The following GRIK2 variants were observed in gnomAD, a reference collection of about 807,000 sequenced individuals.
GRIK2 encodes the protein glutamate ionotropic receptor kainate type subunit 2, also known as glutamate receptor ionotropic, kainate 2.
A neutral mutation model predicts 100.3 loss-of-function variants in GRIK2; 32 were observed. The observed-to-expected ratio is 0.32, with a 90% CI of 0.24 to 0.43. The LOEUF is 0.43. Among genes scored for constraint, GRIK2 ranks in the 20% least tolerant of loss-of-function variants. The probability of loss-of-function intolerance (pLI) is 1.00; values close to 1 mark genes in which losing one functional copy is unlikely to be tolerated. For missense variants in GRIK2, 843 were observed against 1,114.9 expected (o/e 0.76, Z 3.47); for synonymous variants, 417 against 389.4 (o/e 1.07, Z -0.83).
At chr6:101,771,601 T>C (rs1778409927) in intron 7 of GRIK2, among the ~76,000 whole-genome samples, 1 of 151,944 alleles carries the variant, frequency 6.6e-6, no homozygotes, top group Admixed American at 6.6e-5. Flanking sequence ...GTTACATATG[T>C]ATACATGTGC....
chr6:101,688,872 A>C (rs553491523), intron 7 of GRIK2, among the ~76,000 whole-genome samples: 1 of 152,104 alleles, frequency 6.6e-6, no homozygotes, highest in Non-Finnish European at 1.5e-5. Context: ...TTGGAAAATT[A>C]ATATATTTTA....
chr6:101,900,751 C>A (rs921063220), intron 12 of GRIK2, among the ~76,000 whole-genome samples: 7 of 151,928 alleles, frequency 4.6e-5, no homozygotes, highest in Non-Finnish European at 1.0e-4. Flanking sequence ...GAAAACTTTA[C>A]GTGCCTTATA....
At position 101,965,413 on chromosome 6, in the gene GRIK2, A is replaced by C. The variant is rs12202065; in HGVS notation, c.2085+36781A>C. Among the ~76,000 whole-genome samples, 1,037 of 152,172 alleles carry C rather than the reference A, an allele frequency of 6.8e-3. 5 individuals are homozygous for C. Among genetic ancestry groups the C allele is most frequent in the Middle Eastern group, 0.041 (12 of 294 alleles). On this transcript the variant is annotated intron_variant, in intron 14 of 16. Coordinates refer to ENST00000369134, the MANE Select transcript of GRIK2 (RefSeq NM_021956.5). ...GATATCCAAATCTGTCACTCTCATC[A>C]TGCCATTTCTATAACAAGTCAGAGA... is the stretch of plus-strand genomic sequence containing the variant.
chr6:102,035,563 A>G lies in GRIK2; in HGVS notation c.2308A>G (p.Met770Val). The change falls in exon 15 of 17, where the codon ATG becomes GTG. Residue 770 changes from methionine to valine, a missense_variant. Physicochemically the swap from Met to Val is conservative, Grantham distance 21. This residue lies in a region of GRIK2 where 237 missense variants were observed against 388.0 expected (regional missense o/e 0.61). Coordinates refer to ENST00000369134, the MANE Select transcript of GRIK2 (RefSeq NM_021956.5). ...TAAAGGTTATGGCGTTGGCACTCCC[A>G]TGGGTAGGTTATATGTCAGCTCTTT... ...DSKGYGVGTP[M>V]GSPYRDKITI... 3 of 1,554,690 alleles carry G rather than the reference A, an allele frequency of 1.9e-6. No individual in the cohort carries two copies. Among genetic ancestry groups the G allele is most frequent in the Non-Finnish European group, 2.7e-6 (3 of 1,127,430 alleles).
intron 4 of GRIK2, among the ~76,000 whole-genome samples, chr6:101,658,515 C>CGT (rs1203282277): frequency 6.6e-6 from 1 of 152,134 alleles, no homozygotes; most frequent in Non-Finnish European, 1.5e-5. Flanking sequence ...AATAAACATA[C>CGT]GTGTGCATGT....
At chr6:101,568,541 A>C (rs1462758916) in intron 2 of GRIK2, among the ~76,000 whole-genome samples, 1 of 152,044 alleles carries the variant, frequency 6.6e-6, no homozygotes, top group African/African-American at 2.4e-5. Context: ...TATAGACTGT[A>C]CTTGTATCCT....
chr6:101,524,557 A>G (rs142826718), intron 2 of GRIK2, among the ~76,000 whole-genome samples: 6 of 152,230 alleles, frequency 3.9e-5, no homozygotes, highest in Non-Finnish European at 8.8e-5. Flanking sequence ...TTTAATAGAT[A>G]TGTAGAAGAA....
At chr6:102,009,480 C>G (rs561682891) in intron 14 of GRIK2, among the ~76,000 whole-genome samples, 3 of 152,224 alleles carry the variant, frequency 2.0e-5, no homozygotes, top group South Asian at 2.1e-4. Context: ...CTCCACTTCT[C>G]TCTCTGTGAA....
intron 14 of GRIK2, among the ~76,000 whole-genome samples, chr6:101,994,592 A>T (rs1417038244): frequency 6.6e-6 from 1 of 151,848 alleles, no homozygotes; most frequent in Non-Finnish European, 1.5e-5. Context: ...ATTCTGACTT[A>T]TAAAGGGGAA....
chr6:101,473,271 A>T lies in GRIK2; in HGVS notation c.115+73879A>T, dbSNP rs541979733. On this transcript the variant is annotated intron_variant, in intron 2 of 16. Coordinates refer to ENST00000369134, the MANE Select transcript of GRIK2 (RefSeq NM_021956.5). ...ATGGTACACTACTTTAAAAATGTGG[A>T]TTAAATGATTTATTTTAGCTTTGAG... is the stretch of plus-strand genomic sequence containing the variant. 1.3e-3 allele frequency among the ~76,000 whole-genome samples: 190 copies of T among 151,192 alleles called. 3 individuals carry two copies. In the South Asian group the frequency reaches 0.016, roughly 13 times the overall value.
In GRIK2 at chr6:101,744,209, T is replaced by C. The variant is rs183182094; in HGVS notation, c.952-55439T>C. On this transcript the variant is annotated intron_variant, in intron 7 of 16. Transcript: ENST00000369134. ...CGCCCGCCTCGGCCTCCCAAAGTTC[T>C]GGGATTACAGACATGAGCCGTCGTG... 8.9e-4 allele frequency among the ~76,000 whole-genome samples: 135 copies of C among 152,160 alleles called. 2 individuals carry two copies. In the East Asian group the frequency reaches 0.01, roughly 12 times the overall value.
intron 4 of GRIK2, among the ~76,000 whole-genome samples, chr6:101,661,793 G>A (rs576838815): frequency 1.4e-4 from 21 of 152,166 alleles, no homozygotes; most frequent in Non-Finnish European, 1.6e-4. Flanking sequence ...CTTGCCCTCC[G>A]TGGACTGCAC....
intron 14 of GRIK2, among the ~76,000 whole-genome samples, chr6:101,933,647 G>A (rs571387518): frequency 2.8e-4 from 43 of 151,928 alleles, no homozygotes; most frequent in African/African-American, 1.0e-3. Context: ...CTTTATTGCA[G>A]CACCTTGTTA....
chr6:101,947,737 C>CG (rs1219294737), intron 14 of GRIK2, among the ~76,000 whole-genome samples: 5 of 152,058 alleles, frequency 3.3e-5, no homozygotes, highest in Non-Finnish European at 7.4e-5. Flanking sequence ...ATGAGAGGTC[C>CG]GCACCATGAT....
chr6:101,555,282 G>A (rs1014518164), intron 2 of GRIK2, among the ~76,000 whole-genome samples: 3 of 152,084 alleles, frequency 2.0e-5, no homozygotes, highest in Admixed American at 1.3e-4. Flanking sequence ...GTGCTGTGCC[G>A]GGAAGTATAG....
At chr6:102,058,196 A>G (rs145625527) in intron 16 of GRIK2, among the ~76,000 whole-genome samples, 59 of 151,790 alleles carry the variant, frequency 3.9e-4, no homozygotes, top group African/African-American at 1.3e-3. Flanking sequence ...CATTAACAGT[A>G]TTGTATTCTT....
chr6:101,602,121 T>C (rs1201269957), intron 2 of GRIK2, among the ~76,000 whole-genome samples: 2 of 151,778 alleles, frequency 1.3e-5, no homozygotes, highest in African/African-American at 4.8e-5. Flanking sequence ...ATATGTTGTG[T>C]ATCTCTTTTC....
chr6:102,036,260 CAT>C lies in GRIK2; in HGVS notation c.2311+704_2311+705del, dbSNP rs749145990. 2.6e-3 allele frequency among the ~76,000 whole-genome samples: 394 copies of C among 149,358 alleles called. 1 individual carries two copies. Among genetic ancestry groups the C allele is most frequent in the East Asian group, 4.9e-3 (25 of 5,058 alleles). ...ACACACACACACACACACACACACA[CAT>C]ATATATATAAAACATTACAGTACAT... On this transcript the variant is annotated intron_variant, in intron 15 of 16. Transcript: ENST00000369134.
At chr6:101,410,738 A>G (rs1224530413) in intron 2 of GRIK2, among the ~76,000 whole-genome samples, 2 of 152,140 alleles carry the variant, frequency 1.3e-5, no homozygotes, top group Non-Finnish European at 2.9e-5. Flanking sequence ...TCCCAGCGAC[A>G]TGCAATTTAC....
Sources: allele counts gnomAD v4.1 joint callset (sites outside exome capture counted in the v4.1 genomes callset), GRCh38; gene constraint gnomAD v4.1.1; regional missense constraint gnomAD v4.1.1; transcripts MANE v1.5; gene names NCBI Gene and HGNC (gene_info 2026-07-23, HGNC 2026-07-21).